Variants in PHAX observed in about 807,000 individuals in gnomAD.
PHAX encodes the protein phosphorylated adaptor for RNA export, also known as phosphorylated adapter RNA export protein.
PHAX carries 31 observed loss-of-function variants against 41.6 expected under a neutral mutation model. The observed-to-expected ratio is 0.75, with a 90% CI of 0.56 to 1.01. The LOEUF is 1.01. Among genes scored for constraint, PHAX ranks in the 50% least tolerant of loss-of-function variants. The pLI is 0.00. For synonymous variants in PHAX, 175 were observed against 164.9 expected, an observed-to-expected ratio of 1.06 and a Z score of -0.47; for missense variants, 453 against 472.9, an observed-to-expected ratio of 0.96 and a Z score of 0.39.
At position 126,609,261 on chromosome 5, in the gene PHAX, C is replaced by T. The variant is rs894277455; in HGVS notation, c.831+777C>T. Among the ~76,000 whole-genome samples the T allele has an allele frequency of 9.2e-5, 14 of 151,788 alleles. No individual in the cohort carries two copies. The East Asian group carries it at 2.2e-3, about 23-fold the overall frequency. ...GATCACAGGCATGCACCACCACACC[C>T]GGCTAACGTTTGTATTTTTAGTAGA... On this transcript the variant is annotated intron_variant, in intron 3 of 4. Coordinates refer to ENST00000297540, the MANE Select transcript of PHAX (RefSeq NM_032177.4).
intron 3 of PHAX, 105 bp downstream of exon 3, chr5:126,608,589 T>G: frequency 4.7e-6 from 4 of 853,268 alleles, no homozygotes; most frequent in East Asian, 2.6e-5. Flanking sequence ...TTATCATGCA[T>G]TCTTACAGTA....
chr5:126,601,044 C>A lies in PHAX; in HGVS notation c.82C>A (p.Pro28Thr). ...CATGACGGTCGCACCCAGCGACAGG[C>A]CGCTGCAATTGCCAGTGAGTGTGAA... ...SDMTVAPSDR[P>T]LQLPKVLGGD... is the part of the protein sequence containing the mutation. The change falls in exon 1 of 5, where the codon CCG (proline) becomes ACG (threonine). Residue 28 changes from proline to threonine, a missense_variant. Coordinates refer to ENST00000297540, the MANE Select transcript of PHAX (RefSeq NM_032177.4). 6.2e-7 allele frequency: 1 copy of A among 1,606,150 alleles called. No homozygotes were observed. Among genetic ancestry groups the A allele is most frequent in the East Asian group, 2.3e-5 (1 of 43,964 alleles).
At position 126,603,697 on chromosome 5, in the gene PHAX, A is replaced by G. The variant is rs751653900; in HGVS notation, c.224A>G (p.Asp75Gly). Residue 75 changes from aspartate (D) to glycine (G), a missense_variant, in exon 2 of 5, where the codon GAT becomes GGT. Coordinates refer to ENST00000297540, the MANE Select transcript of PHAX (RefSeq NM_032177.4). ...GAAGAAAGTTTTTCTGATTCAGATG[A>G]TGATAGCTGTCTTTGGAAACGCAAA... is the stretch of plus-strand genomic sequence containing the variant. ...SSEESFSDSD[D>G]DSCLWKRKRQ... 1 of 1,614,222 alleles carries G rather than the reference A, an allele frequency of 6.2e-7. No homozygotes were observed. The highest frequency in any genetic ancestry group is 1.7e-5 in the Admixed American group (1 of 60,010).
chr5:126,609,202 G>A lies in PHAX; in HGVS notation c.831+718G>A, dbSNP rs1355738520. On this transcript the variant is annotated intron_variant, in intron 3 of 4. Coordinates refer to ENST00000297540, the MANE Select transcript of PHAX (RefSeq NM_032177.4). ...TGCAACCTCCGCCTCCCGAGTTCAA[G>A]CAATTCTCCTGCCTCAGCCCCCCAA... is the stretch of plus-strand genomic sequence containing the variant. Among the ~76,000 whole-genome samples the A allele has an allele frequency of 2.8e-5, 4 of 143,764 alleles. No homozygotes were observed. The South Asian group carries it at 9.3e-4, about 34-fold the overall frequency. 94.3% of individuals were successfully genotyped at this position (143,764 alleles called of 152,430 possible). A position where few individuals can be genotyped will look rare whatever the true frequency, so the allele number is the denominator to read the frequency against.
chr5:126,612,679 C>G (rs1752121744), intron 3 of PHAX, among the ~76,000 whole-genome samples: 1 of 152,016 alleles, frequency 6.6e-6, no homozygotes, highest in African/African-American at 2.4e-5. Context: ...CCAGCCTGGG[C>G]AACAAGAGCG....
At chr5:126,615,855 G>C (rs1752176073) in intron 3 of PHAX, among the ~76,000 whole-genome samples, 1 of 151,958 alleles carries the variant, frequency 6.6e-6, no homozygotes, top group Non-Finnish European at 1.5e-5. Flanking sequence ...CTAATTCAAT[G>C]TTTGCAGCAA....
chr5:126,618,948 G>T (rs1458279227), intron 4 of PHAX, among the ~76,000 whole-genome samples: 1 of 151,952 alleles, frequency 6.6e-6, no homozygotes, highest in Non-Finnish European at 1.5e-5. Context: ...GAGCCACCAC[G>T]CCCGGCCGGA....
chr5:126,618,781 C>T (rs1433394692), intron 4 of PHAX, among the ~76,000 whole-genome samples: 1 of 151,968 alleles, frequency 6.6e-6, no homozygotes, highest in African/African-American at 2.4e-5. Flanking sequence ...GCCTCAGCCT[C>T]CTGAGTAGCT....
intron 3 of PHAX, 57 bp downstream of exon 3, chr5:126,608,541 G>GTTTTTA (rs2112831340): frequency 2.1e-6 from 3 of 1,455,534 alleles, no homozygotes; most frequent in Non-Finnish European, 2.9e-6. Context: ...TTTTGTTTTT[G>GTTTTTA]ATTACAAATT....
Position 126,603,860 on chromosome 5 carries a change from A to G in PHAX, c.387A>G (p.Ala129=), listed in dbSNP as rs1488960221. 2 of 1,613,972 alleles carry G rather than the reference A, an allele frequency of 1.2e-6. No individual in the cohort carries two copies. The highest frequency in any genetic ancestry group is 1.7e-5 in the Admixed American group (1 of 59,980). The change falls in exon 2 of 5, where the codon GCA becomes GCG. Residue 129 remains alanine (A), a synonymous_variant. Coordinates refer to ENST00000297540, the MANE Select transcript of PHAX (RefSeq NM_032177.4). ...TGCTGCAGGAACAGAATCAAGATGCAGTGGCCACTGAACTTGGTATCTTGG... is the reference window on the plus strand; with the variant it reads ...TGCTGCAGGAACAGAATCAAGATGCGGTGGCCACTGAACTTGGTATCTTGG... The part of the protein sequence containing the change: ...GAVLQEQNQD[A]VATELGILGM...
intron 3 of PHAX, among the ~76,000 whole-genome samples, chr5:126,613,645 A>G (rs1470876106): frequency 6.6e-6 from 1 of 152,186 alleles, no homozygotes; most frequent in African/African-American, 2.4e-5. Context: ...ACACCACCTC[A>G]CTTCAGCCTG....
In PHAX at chr5:126,620,507, C is replaced by T. The variant is rs116962781; in HGVS notation, c.915+3174C>T. The stretch of plus-strand genomic sequence containing the variant: ...GTGAATGTTACAAATGGAGAATAAT[C>T]AAAATTATATGCCTGAGATCACACA... On this transcript the variant is annotated intron_variant, in intron 4 of 4. Coordinates refer to ENST00000297540, the MANE Select transcript of PHAX (RefSeq NM_032177.4). Among the ~76,000 whole-genome samples, 42 of 152,194 alleles carry T rather than the reference C, an allele frequency of 2.8e-4. 1 individual carries two copies. In the East Asian group the frequency reaches 7.7e-3, roughly 28 times the overall value.
chr5:126,616,893 A>C (rs1752195038), intron 3 of PHAX, among the ~76,000 whole-genome samples: 1 of 152,014 alleles, frequency 6.6e-6, no homozygotes, highest in Non-Finnish European at 1.5e-5. Context: ...AAAAAAAAAA[A>C]AAAAAGAATA....
chr5:126,601,748 C>T (rs533288915), intron 1 of PHAX, among the ~76,000 whole-genome samples: 133 of 152,200 alleles, frequency 8.7e-4, no homozygotes, highest in African/African-American at 3.2e-3. Context: ...CTCACTGCAA[C>T]CTCCGCCTCC....
intron 3 of PHAX, among the ~76,000 whole-genome samples, chr5:126,613,065 T>C (rs900077806): frequency 7.9e-5 from 12 of 152,070 alleles, no homozygotes; most frequent in African/African-American, 2.7e-4. Context: ...TAGAAACCAA[T>C]TGGCCAGGCG....
chr5:126,624,159 C>T (rs185046940), intron 4 of PHAX, among the ~76,000 whole-genome samples: 371 of 151,998 alleles, frequency 2.4e-3, no homozygotes, highest in Middle Eastern at 6.8e-3. Context: ...CAGGTGTGTG[C>T]CACCACAGCC....
chr5:126,621,563 A>G (rs921420841), intron 4 of PHAX, among the ~76,000 whole-genome samples: 2 of 152,202 alleles, frequency 1.3e-5, no homozygotes, highest in African/African-American at 2.4e-5. Context: ...TTTAATTGCT[A>G]TATTGCTAAC....
intron 2 of PHAX, among the ~76,000 whole-genome samples, chr5:126,604,926 C>T (rs1370444907): frequency 2.6e-5 from 4 of 151,790 alleles, no homozygotes; most frequent in Admixed American, 1.3e-4. Context: ...CCCAGCTACT[C>T]GGGAGGCTGA....
intron 3 of PHAX, among the ~76,000 whole-genome samples, chr5:126,612,627 G>T (rs1018530637): frequency 1.3e-5 from 2 of 152,156 alleles, no homozygotes; most frequent in Non-Finnish European, 2.9e-5. Context: ...TTTGAACCCG[G>T]GAGGTGGAGG....
Sources: allele counts gnomAD v4.1 joint callset (sites outside exome capture counted in the v4.1 genomes callset), GRCh38; gene constraint gnomAD v4.1.1; transcripts MANE v1.5; gene names NCBI Gene and HGNC (gene_info 2026-07-23, HGNC 2026-07-21).